Variants in IL1R1 observed in about 807,000 individuals in gnomAD.
IL1R1 encodes interleukin 1 receptor type 1.
A neutral mutation model predicts 50.2 loss-of-function variants in IL1R1; 22 were observed. That is an observed-to-expected ratio of 0.44 (90% CI 0.31 to 0.63). IL1R1 has a LOEUF of 0.63. Among genes scored for constraint, IL1R1 ranks in the 20% least tolerant of loss-of-function variants. The pLI is 0.07. For synonymous variants in IL1R1, 251 were observed against 236.7 expected, an observed-to-expected ratio of 1.06 and a Z score of -0.55; for missense variants, 509 against 676.2, an observed-to-expected ratio of 0.75 and a Z score of 2.74.
intron 6 of IL1R1, among the ~76,000 whole-genome samples, chr2:102,167,701 G>C (rs1027728071): frequency 6.6e-6 from 1 of 152,060 alleles, no homozygotes; most frequent in Non-Finnish European, 1.5e-5. Flanking sequence ...GCCCACCTCT[G>C]CCTCCTTAAG....
intron 1 of IL1R1, among the ~76,000 whole-genome samples, chr2:102,147,774 G>A (rs115981470): frequency 0.01 from 1,574 of 152,246 alleles, 26 homozygotes; most frequent in African/African-American, 0.036. Context: ...TGCCTTAGTT[G>A]AAACCACCAA....
intron 1 of IL1R1, among the ~76,000 whole-genome samples, chr2:102,084,500 T>C: frequency 6.6e-6 from 1 of 152,232 alleles, no homozygotes; most frequent in East Asian, 1.9e-4. Flanking sequence ...ACCAGTCTTA[T>C]ACATAATATG....
rs70946674 is a variant in IL1R1, at chr2:102,152,504, C to CA, written c.-83-1400dup. Among the ~76,000 whole-genome samples the CA allele has an allele frequency of 7.9e-3, 234 of 29,688 alleles. 51 individuals are homozygous for CA. Among genetic ancestry groups the CA allele is most frequent in the African/African-American group, 8.8e-3 (63 of 7,142 alleles). The allele number at this position is 29,688 out of a possible 152,430, so 19.5% of individuals were successfully genotyped here. ...TGGGGGACAGAGCAAGACTCCGTCT[C>CA]AAAAAAAAAAAAAAAAAAAAAAAAA... On this transcript the variant is annotated intron_variant, in intron 1 of 11. Transcript: ENST00000410023.
At chr2:102,112,006 C>T (rs1446934528) in intron 1 of IL1R1, among the ~76,000 whole-genome samples, 2 of 152,108 alleles carry the variant, frequency 1.3e-5, no homozygotes, top group African/African-American at 4.8e-5. Context: ...TCCTGAAGCC[C>T]AACCACCTGG....
intron 1 of IL1R1, among the ~76,000 whole-genome samples, chr2:102,078,597 CACAA>C (rs896880244): frequency 3.5e-5 from 5 of 143,638 alleles, no homozygotes; most frequent in African/African-American, 1.0e-4. Context: ...CACACACACA[CACAA>C]GAAAAAAAAA....
chr2:102,098,691 A>T (rs987626088), intron 1 of IL1R1, among the ~76,000 whole-genome samples: 2 of 152,226 alleles, frequency 1.3e-5, no homozygotes, highest in Non-Finnish European at 2.9e-5. Flanking sequence ...GTATGTACAT[A>T]GGAAAAAAAA....
intron 1 of IL1R1, among the ~76,000 whole-genome samples, chr2:102,082,978 C>T (rs548102485): frequency 7.6e-4 from 115 of 152,250 alleles, no homozygotes; most frequent in African/African-American, 2.6e-3. Context: ...ATTTTATGAA[C>T]GAACAGGAAC....
At position 102,177,981 on chromosome 2, in the gene IL1R1, C is replaced by G. The variant is rs925805006; in HGVS notation, c.*1222C>G. 1 of 153,368 alleles carries G rather than the reference C, an allele frequency of 6.5e-6. No homozygotes were observed. The highest frequency in any genetic ancestry group is 1.5e-5 in the Non-Finnish European group (1 of 68,638). The allele number at this position is 153,368 out of a possible 1,614,324, so 9.5% of individuals were successfully genotyped here. A position where few individuals can be genotyped will look rare whatever the true frequency, so the allele number is the denominator to read the frequency against. On this transcript the variant is annotated 3_prime_UTR_variant, in exon 12 of 12. Transcript: ENST00000410023. ...AGCATGTCACTCCCAGACCACCTCC[C>G]TGCCCTGTCCTCCAGCTTCCCCTCG...
upstream of IL1R1, among the ~76,000 whole-genome samples, chr2:102,139,981 A>C (rs1471055154): frequency 6.6e-6 from 1 of 152,188 alleles, no homozygotes; most frequent in African/African-American, 2.4e-5. Flanking sequence ...CACTCCTCAG[A>C]AACCTTTCAG....
At chr2:102,081,130 A>T (rs1046151832) in intron 1 of IL1R1, among the ~76,000 whole-genome samples, 1 of 152,136 alleles carries the variant, frequency 6.6e-6, no homozygotes, top group African/African-American at 2.4e-5. Flanking sequence ...CTGAAATTGG[A>T]TAGTGGTGAT....
At chr2:102,115,441 C>A (rs1322065350) in intron 1 of IL1R1, among the ~76,000 whole-genome samples, 1 of 152,170 alleles carries the variant, frequency 6.6e-6, no homozygotes. Flanking sequence ...TAGCCACTTT[C>A]ATTTATTTGG....
At chr2:102,097,819 A>G (rs1388783445) in intron 1 of IL1R1, among the ~76,000 whole-genome samples, 1 of 152,104 alleles carries the variant, frequency 6.6e-6, no homozygotes, top group African/African-American at 2.4e-5. Context: ...TACCTAAATG[A>G]TATTTGAGTG....
chr2:102,111,502 A>G (rs1046963266), intron 1 of IL1R1, among the ~76,000 whole-genome samples: 4 of 152,156 alleles, frequency 2.6e-5, no homozygotes, highest in Non-Finnish European at 5.9e-5. Context: ...TAATAAACTG[A>G]CTGATAATTT....
chr2:102,163,751 G>C (rs1479166314), intron 3 of IL1R1, among the ~76,000 whole-genome samples: 4 of 151,832 alleles, frequency 2.6e-5, no homozygotes, highest in Admixed American at 6.6e-5. Context: ...CTGCTTCTTT[G>C]CATGCCTAAT....
At chr2:102,072,937 G>A (rs1577778672) in intron 1 of IL1R1, among the ~76,000 whole-genome samples, 1 of 152,184 alleles carries the variant, frequency 6.6e-6, no homozygotes, top group Non-Finnish European at 1.5e-5. Flanking sequence ...CCAGTTCTGA[G>A]CTTGAGCTGA....
chr2:102,153,326 C>T (rs949963), intron 1 of IL1R1, among the ~76,000 whole-genome samples: 33,974 of 152,074 alleles, frequency 0.22, 4,094 homozygotes, highest in African/African-American at 0.3. Context: ...AGCAAAGTGC[C>T]ACGTGCATGT....
chr2:102,172,228 A>C, intron 8 of IL1R1: 2 of 975,618 alleles, frequency 2.0e-6, no homozygotes, highest in Non-Finnish European at 2.4e-6. Flanking sequence ...GTAGCTTAGA[A>C]GAGACTCATT....
At chr2:102,071,586 T>G (rs577663729) in intron 1 of IL1R1, among the ~76,000 whole-genome samples, 252 of 152,376 alleles carry the variant, frequency 1.7e-3, no homozygotes, top group African/African-American at 5.6e-3. Context: ...CCATCTCATG[T>G]AACTGAAGTT....
In IL1R1 at chr2:102,127,681, G is replaced by A. The variant is rs1416833414; in HGVS notation, c.-84+22809G>A. ...ACTGTGTGTGTGTGTGTGTGTGTGT[G>A]TGTGTGTGTGTGTGTATCCATGCAA... On this transcript the variant is annotated intron_variant, in intron 1 of 10. Coordinates refer to the IL1R1 transcript ENST00000409329. Among the ~76,000 whole-genome samples the A allele has an allele frequency of 4.0e-5, 6 of 151,022 alleles. No individual in the cohort carries two copies. In the South Asian group the frequency reaches 8.3e-4, roughly 21 times the overall value.
Sources: gnomAD v4.1 joint callset for allele counts (sites outside exome capture counted in the v4.1 genomes callset) on GRCh38, gnomAD v4.1.1 for gene constraint, MANE v1.5 for transcripts, NCBI Gene and HGNC (gene_info 2026-07-23, HGNC 2026-07-21) for gene names.